The following ABI3BP variants were observed in gnomAD, a reference collection of about 807,000 sequenced individuals.
The protein encoded by ABI3BP is ABI family member 3 binding protein.
ABI3BP carries 216 observed loss-of-function variants against 268.6 expected under a neutral mutation model. That is an observed-to-expected ratio of 0.80 (90% CI 0.72 to 0.90). The LOEUF (loss-of-function observed/expected upper bound fraction) is 0.90, where lower values mean the gene tolerates loss of function less well. Among genes scored for constraint, ABI3BP ranks in the 40% least tolerant of loss-of-function variants. The probability of loss-of-function intolerance (pLI) is 0.00; values close to 1 mark genes in which losing one functional copy is unlikely to be tolerated. For synonymous variants in ABI3BP, 730 were observed against 730.0 expected, an observed-to-expected ratio of 1.00 and a Z score of 0.00; for missense variants, 2,090 against 2,182.4, an observed-to-expected ratio of 0.96 and a Z score of 0.84.
At chr3:100,848,955 C>T (rs6807452) in intron 17 of ABI3BP, 80 bp from the exon 18 acceptor site, 332,376 of 1,178,682 alleles carry the variant, frequency 0.28, 48,788 homozygotes, top group African/African-American at 0.34. Context: ...TTTGCAAACT[C>T]CAAGTACAAG....
At chr3:100,895,918 T>A (rs2047460545) in intron 4 of ABI3BP, among the ~76,000 whole-genome samples, 1 of 152,170 alleles carries the variant, frequency 6.6e-6, no homozygotes, top group African/African-American at 2.4e-5. Context: ...GGGCTATTAT[T>A]TTTTTCCTCA....
At chr3:100,754,387 A>G (rs934827258) in intron 64 of ABI3BP, among the ~76,000 whole-genome samples, 1 of 152,218 alleles carries the variant, frequency 6.6e-6, no homozygotes, top group Non-Finnish European at 1.5e-5. Context: ...TTGGAAGAGT[A>G]TAGATTCATT....
intron 2 of ABI3BP, among the ~76,000 whole-genome samples, chr3:100,904,259 C>T (rs1383772486): frequency 1.3e-5 from 2 of 152,116 alleles, no homozygotes; most frequent in Non-Finnish European, 2.9e-5. Context: ...ACATGGGGCC[C>T]CATGCTTAGA....
chr3:100,872,118 A>G (rs916831558), intron 9 of ABI3BP, among the ~76,000 whole-genome samples: 2 of 152,204 alleles, frequency 1.3e-5, no homozygotes, highest in African/African-American at 4.8e-5. Flanking sequence ...TGCTGGGGTT[A>G]CAGGCATGAA....
chr3:100,972,639 A>G (rs1394184457), intron 1 of ABI3BP, among the ~76,000 whole-genome samples: 2 of 152,174 alleles, frequency 1.3e-5, no homozygotes, highest in African/African-American at 4.8e-5. Context: ...ACTGAGATTG[A>G]TTCATTTTTT....
At chr3:100,928,815 C>T (rs1296976748) in intron 1 of ABI3BP, among the ~76,000 whole-genome samples, 1 of 152,062 alleles carries the variant, frequency 6.6e-6, no homozygotes. Flanking sequence ...GACTGCACTG[C>T]TCTCTTTTCA....
chr3:100,832,394 A>G, intron 30 of ABI3BP, 44 bp from the exon 31 acceptor site: 2 of 1,492,764 alleles, frequency 1.3e-6, no homozygotes, highest in African/African-American at 2.8e-5. Context: ...TGATGGCTCC[A>G]TTCACTGTGA....
At chr3:100,924,830 G>A (rs1424386611) in intron 2 of ABI3BP, among the ~76,000 whole-genome samples, 2 of 152,004 alleles carry the variant, frequency 1.3e-5, no homozygotes, top group South Asian at 4.1e-4. Flanking sequence ...TGGAAAAAGA[G>A]CTTACAATTG....
At chr3:100,942,920 T>C (rs2070190749) in intron 1 of ABI3BP, among the ~76,000 whole-genome samples, 3 of 152,130 alleles carry the variant, frequency 2.0e-5, no homozygotes. Context: ...TTCAACACAG[T>C]ATGGAGAAAA....
intron 63 of ABI3BP, among the ~76,000 whole-genome samples, chr3:100,765,614 T>C (rs2096238450): frequency 6.6e-6 from 1 of 152,234 alleles, no homozygotes; most frequent in Non-Finnish European, 1.5e-5. Context: ...GATGTAATAC[T>C]GTTAATTAAC....
intron 34 of ABI3BP, among the ~76,000 whole-genome samples, chr3:100,826,984 G>A (rs1004620710): frequency 2.6e-5 from 4 of 152,004 alleles, no homozygotes; most frequent in African/African-American, 9.7e-5. Flanking sequence ...CTTTCTGGTC[G>A]CCTCTATTTA....
intron 1 of ABI3BP, among the ~76,000 whole-genome samples, chr3:100,978,024 C>A (rs1486166676): frequency 1.3e-5 from 2 of 152,138 alleles, no homozygotes; most frequent in East Asian, 3.9e-4. Context: ...TTTATCAGCT[C>A]TTAGACTTCT....
chr3:100,787,949 T>A, intron 56 of ABI3BP, 147 bp from the exon 57 acceptor site: 1 of 502,888 alleles, frequency 2.0e-6, no homozygotes, highest in East Asian at 3.2e-5. Flanking sequence ...GAAACCACAG[T>A]CTCGTATAAA....
At position 100,841,022 on chromosome 3, in the gene ABI3BP, C is replaced by A. The variant is rs151319970; in HGVS notation, c.1766-164G>T. On this transcript the variant is annotated intron_variant, in intron 21 of 67. Transcript: ENST00000471714. The stretch of plus-strand genomic sequence containing the variant: ...AGTTTCTTTTCTACTTCAATAGATT[C>A]CTGTGTTTTCGACAAAGCGAACAAA... Among the ~76,000 whole-genome samples, 132 of 152,086 alleles carry A rather than the reference C, an allele frequency of 8.7e-4. 1 individual carries two copies. In the East Asian group the frequency reaches 0.023, roughly 26 times the overall value.
At chr3:100,834,132 G>C (rs2098539573) in intron 29 of ABI3BP, among the ~76,000 whole-genome samples, 2 of 152,022 alleles carry the variant, frequency 1.3e-5, no homozygotes, top group South Asian at 4.2e-4. Flanking sequence ...CACCATATCT[G>C]GCTAGTTTTT....
intron 2 of ABI3BP, among the ~76,000 whole-genome samples, chr3:100,906,455 C>T (rs974133755): frequency 1.2e-4 from 18 of 152,132 alleles, no homozygotes; most frequent in Non-Finnish European, 1.8e-4. Context: ...AAAAATAAGA[C>T]TCAAGAGTAG....
chr3:100,918,821 C>A (rs2059425588), intron 2 of ABI3BP, among the ~76,000 whole-genome samples: 1 of 152,144 alleles, frequency 6.6e-6, no homozygotes, highest in African/African-American at 2.4e-5. Flanking sequence ...AGATAAAGTT[C>A]CCTAAGTTCT....
intron 1 of ABI3BP, among the ~76,000 whole-genome samples, chr3:100,988,456 T>A (rs2092359320): frequency 6.6e-6 from 1 of 152,196 alleles, no homozygotes. Flanking sequence ...CTTTGGCCCC[T>A]GGGGTTGCCT....
chr3:100,822,613 G>A lies in ABI3BP; in HGVS notation c.2863C>T (p.Pro955Ser), dbSNP rs777291348. The change falls in exon 38 of 68, where the codon CCT becomes TCT. Residue 955 changes from proline (P) to serine (S), a missense_variant. Transcript: ENST00000471714. Reference protein sequence around the residue: ...PRLRTKTTPRPEAPESKPVPT... With the variant: ...PRLRTKTTPRSEAPESKPVPT... ...CCTGGTTTGGATTCAGGTGCTTCAG[G>A]ACGTGGTGTGGTTTTTGTTCTGAGA... 2 of 1,536,486 alleles carry A rather than the reference G, an allele frequency of 1.3e-6. No homozygotes were observed. The highest frequency in any genetic ancestry group is 1.4e-5 in the African/African-American group (1 of 73,040).
Sources: gnomAD v4.1 joint callset for allele counts (sites outside exome capture counted in the v4.1 genomes callset) on GRCh38, gnomAD v4.1.1 for gene constraint, MANE v1.5 for transcripts, NCBI Gene and HGNC (gene_info 2026-07-23, HGNC 2026-07-21) for gene names.